FNDC8: variants seen among roughly 807,000 people sequenced by gnomAD.
FNDC8 encodes fibronectin type III domain containing 8.
A neutral mutation model predicts 24.8 loss-of-function variants in FNDC8; 23 were observed. The observed-to-expected ratio is 0.93, with a 90% confidence interval of 0.67 to 1.31. FNDC8 has a LOEUF of 1.31. Ranked by LOEUF, FNDC8 falls within the 40% of genes most tolerant of loss-of-function variation. The probability of loss-of-function intolerance (pLI) is 0.00; values close to 1 mark genes in which losing one functional copy is unlikely to be tolerated. For missense variants in FNDC8, 371 were observed against 398.2 expected, an observed-to-expected ratio of 0.93 and a Z score of 0.58; for synonymous variants, 158 against 165.3, an observed-to-expected ratio of 0.96 and a Z score of 0.34.
Position 35,127,239 on chromosome 17 carries a change from C to A in FNDC8, c.407C>A (p.Ala136Glu). ...AAGAATGCAGAAAATGAGGACCTGG[C>A]GCTCGGCCCCTGCCCATGCCCATCG... Reference protein sequence around the residue: ...MAKNAENEDLALGPCPCPSKS... With the variant: ...MAKNAENEDLELGPCPCPSKS... Residue 136 changes from alanine (A) to glutamate (E), a missense_variant, in exon 2 of 4, where the codon GCG becomes GAG. Ala to Glu is a moderately radical substitution (Grantham distance 107). Coordinates refer to ENST00000158009, the MANE Select transcript of FNDC8 (RefSeq NM_017559.4). 1 of 1,613,550 alleles carries A rather than the reference C, an allele frequency of 6.2e-7. No individual in the cohort carries two copies. The highest frequency in any genetic ancestry group is 8.5e-7 in the Non-Finnish European group (1 of 1,179,648).
At chr17:35,127,485 G>A (rs1010155581) in intron 2 of FNDC8, 68 bp downstream of exon 2, 2 of 1,466,308 alleles carry the variant, frequency 1.4e-6, no homozygotes, top group Non-Finnish European at 1.8e-6. Context: ...AGCTCCATGG[G>A]TAGTGAGAAG....
intron 1 of FNDC8, among the ~76,000 whole-genome samples, chr17:35,124,868 T>C (rs191424257): frequency 1.4e-3 from 218 of 151,212 alleles, no homozygotes; most frequent in African/African-American, 5.0e-3. Flanking sequence ...ACCAACATGG[T>C]AAAACCCCAT....
In FNDC8 at chr17:35,129,884, T is replaced by A. The variant is rs906960359; in HGVS notation, c.822+226T>A. The A allele has an allele frequency of 2.0e-4, 280 of 1,411,566 alleles. 1 individual carries two copies. Among genetic ancestry groups the A allele is most frequent in the Non-Finnish European group, 1.6e-4 (176 of 1,086,050 alleles). 87.4% of individuals were successfully genotyped at this position (1,411,566 alleles called of 1,614,324 possible). On this transcript the variant is annotated intron_variant, in intron 3 of 3. Coordinates refer to ENST00000158009, the MANE Select transcript of FNDC8 (RefSeq NM_017559.4). ...ATGCAAACGAATGTATTTTTCAACA[T>A]CACTATAATGTTCCCCTTCCAAAGC...
In FNDC8 at chr17:35,130,328, C is replaced by A; in HGVS notation, c.869C>A (p.Pro290His). 6.2e-7 allele frequency: 1 copy of A among 1,614,130 alleles called. No homozygotes were observed. The highest frequency in any genetic ancestry group is 1.7e-4 in the Middle Eastern group (1 of 6,060). ...TTCAGCAGCTTTCCTGAGAACTACCCCATCCAGATCACCGTGCGGCGCAAG... is the reference window on the plus strand; with the variant it reads ...TTCAGCAGCTTTCCTGAGAACTACCACATCCAGATCACCGTGCGGCGCAAG... ...TDFSSFPENY[P>H]IQITVRRKEP... Residue 290 changes from proline to histidine, a missense_variant, in exon 4 of 4, where the codon CCC becomes CAC. Pro to His is a moderately conservative substitution (Grantham distance 77, BLOSUM62 -2). Transcript: ENST00000158009.
At chr17:35,122,643 G>A (rs1245807438) in intron 1 of FNDC8, among the ~76,000 whole-genome samples, 1 of 151,964 alleles carries the variant, frequency 6.6e-6, no homozygotes, top group Non-Finnish European at 1.5e-5. Flanking sequence ...CTCTCTCTTT[G>A]GTACCTTCAT....
intron 1 of FNDC8, among the ~76,000 whole-genome samples, chr17:35,124,833 A>C (rs2091842866): frequency 6.6e-6 from 1 of 151,994 alleles, no homozygotes; most frequent in South Asian, 2.1e-4. Context: ...AAATCATCTG[A>C]GGTCAGGAGT....
At chr17:35,129,982 A>C (rs2091866599) in intron 3 of FNDC8, 1 of 1,375,712 alleles carries the variant, frequency 7.3e-7, no homozygotes, top group Non-Finnish European at 9.4e-7. Context: ...CATTGAAAGA[A>C]ATAGGGAAGA....
Position 35,130,376 on chromosome 17 carries a change from C to G in FNDC8, c.917C>G (p.Ser306Cys). Residue 306 changes from serine (S) to cysteine (C), a missense_variant, in exon 4 of 4, where the codon TCC (serine) becomes TGC (cysteine). Transcript: ENST00000158009. Reference sequence around the variant, plus strand: ...AAGGAACCCCGGCAAAAGATCGTGTCCATCGGGCCGGAGGAGATGCGGAGG... The same window carrying G: ...AAGGAACCCCGGCAAAAGATCGTGTGCATCGGGCCGGAGGAGATGCGGAGG... ...RRKEPRQKIV[S>C]IGPEEMRRLE... is the part of the protein sequence containing the mutation. 8 of 1,614,136 alleles carry G rather than the reference C, an allele frequency of 5.0e-6. No homozygotes were observed. Among genetic ancestry groups the G allele is most frequent in the Non-Finnish European group, 1.7e-6 (2 of 1,180,006 alleles).
At chr17:35,122,033 G>A in intron 1 of FNDC8, 131 bp downstream of exon 1, 1 of 683,464 alleles carries the variant, frequency 1.5e-6, no homozygotes, top group Non-Finnish European at 2.4e-6. Flanking sequence ...CACCCAGGCT[G>A]GAGTGCAGTG....
intron 3 of FNDC8, chr17:35,129,977 A>C: frequency 7.3e-7 from 1 of 1,374,628 alleles, no homozygotes; most frequent in Non-Finnish European, 9.4e-7. Flanking sequence ...AAGGGCATTG[A>C]AAGAAATAGG....
rs763571315 is a variant in FNDC8 at position 35,127,023 on chromosome 17, G to A, written c.210-19G>A. ...GTGGCCTCCTTCATCTGATTCACCTGTCTCCCCTTTTGCTCCAGGAAGCCG... is the reference window on the plus strand; with the variant it reads ...GTGGCCTCCTTCATCTGATTCACCTATCTCCCCTTTTGCTCCAGGAAGCCG... On this transcript the variant is annotated intron_variant, in intron 1 of 3. Coordinates refer to ENST00000158009, the MANE Select transcript of FNDC8 (RefSeq NM_017559.4). 1.3e-6 allele frequency: 2 copies of A among 1,560,450 alleles called. No homozygotes were observed. Among genetic ancestry groups the A allele is most frequent in the Admixed American group, 3.6e-5 (2 of 54,994 alleles).
At position 35,122,454 on chromosome 17, in the gene FNDC8, G is replaced by A. The variant is rs189530220; in HGVS notation, c.209+552G>A. ...CCAGAGAAGAGCGTGTGGGCAGGTT[G>A]GATCTATTTATGTATTCCTGAGCCC... On this transcript the variant is annotated intron_variant, in intron 1 of 3. Transcript: ENST00000158009. Among the ~76,000 whole-genome samples, 12 of 151,630 alleles carry A rather than the reference G, an allele frequency of 7.9e-5. 1 individual carries two copies. In the East Asian group the frequency reaches 2.0e-3, roughly 25 times the overall value.
intron 3 of FNDC8, 105 bp downstream of exon 3, chr17:35,129,763 G>A: frequency 6.7e-7 from 1 of 1,482,126 alleles, no homozygotes; most frequent in Non-Finnish European, 8.9e-7. Context: ...TGACTCATCT[G>A]GCTAGCTTTC....
intron 1 of FNDC8, among the ~76,000 whole-genome samples, chr17:35,123,842 A>G (rs998061218): frequency 6.6e-6 from 1 of 152,134 alleles, no homozygotes; most frequent in Non-Finnish European, 1.5e-5. Context: ...TGTTGTGAAC[A>G]TCAGGAGGAG....
chr17:35,121,918 G>C lies in FNDC8; in HGVS notation c.209+16G>C. 1 of 1,589,422 alleles carries C rather than the reference G, an allele frequency of 6.3e-7. No homozygotes were observed. The highest frequency in any genetic ancestry group is 8.6e-7 in the Non-Finnish European group (1 of 1,162,096). ...TCAACCTACTGTAAGTCACAAATCTGGTCCCTCCCTCCCTCCCTCCCTCCC... is the reference window on the plus strand; with the variant it reads ...TCAACCTACTGTAAGTCACAAATCTCGTCCCTCCCTCCCTCCCTCCCTCCC... On this transcript the variant is annotated intron_variant, in intron 1 of 3. Transcript: ENST00000158009.
At chr17:35,128,708 A>G (rs1458950934) in intron 2 of FNDC8, 1 of 153,456 alleles carries the variant, frequency 6.5e-6, no homozygotes. Flanking sequence ...TAATTTTTCC[A>G]TGGATCCGGT....
chr17:35,127,072 C>T lies in FNDC8; in HGVS notation c.240C>T (p.Cys80=), dbSNP rs752420900. The change falls in exon 2 of 4, where the codon TGC becomes TGT. Residue 80 remains cysteine, a synonymous_variant. Transcript: ENST00000158009. The stretch of plus-strand genomic sequence containing the variant: ...CGCTGCCAGTAGAGGATTCAGACTG[C>T]AGCTCTGATGAGACCAGCATCTCTG... ...LKPLPVEDSD[C]SSDETSISAF... The T allele has an allele frequency of 3.1e-6, 5 of 1,605,154 alleles. No individual in the cohort carries two copies. The highest frequency in any genetic ancestry group is 2.6e-6 in the Non-Finnish European group (3 of 1,174,266).
chr17:35,130,692 G>C lies in FNDC8; in HGVS notation c.*258G>C. On this transcript the variant is annotated 3_prime_UTR_variant, in exon 4 of 4. Transcript: ENST00000158009. ...CTCCCTCCTCCTCCAAATCTGGGCT[G>C]GGTCTAGGTCCCTCATTAAAGAACT... The C allele has an allele frequency of 2.0e-6, 1 of 491,502 alleles. No individual in the cohort carries two copies. The highest frequency in any genetic ancestry group is 3.7e-6 in the Non-Finnish European group (1 of 273,722). The allele number at this position is 491,502 out of a possible 1,614,324, so 30.4% of individuals were successfully genotyped here. A position where few individuals can be genotyped will look rare whatever the true frequency, so the allele number is the denominator to read the frequency against.
In FNDC8 at chr17:35,130,724, C is replaced by T. The variant is rs2091871986; in HGVS notation, c.*290C>T. 1 of 373,576 alleles carries T rather than the reference C, an allele frequency of 2.7e-6. No homozygotes were observed. The highest frequency in any genetic ancestry group is 4.3e-5 in the Admixed American group (1 of 23,460). 23.1% of individuals were successfully genotyped at this position (373,576 alleles called of 1,614,324 possible). A position where few individuals can be genotyped will look rare whatever the true frequency, so the allele number is the denominator to read the frequency against. On this transcript the variant is annotated 3_prime_UTR_variant, in exon 4 of 4. Coordinates refer to ENST00000158009, the MANE Select transcript of FNDC8 (RefSeq NM_017559.4). ...GGTCCCTCATTAAAGAACTGCAGGT[C>T]ATCCAGCACCCTAAAGTCTGCTTTA... is the stretch of plus-strand genomic sequence containing the variant.
Sources: gnomAD v4.1 joint callset for allele counts (sites outside exome capture counted in the v4.1 genomes callset) on GRCh38, gnomAD v4.1.1 for gene constraint, MANE v1.5 for transcripts, NCBI Gene and HGNC (gene_info 2026-07-23, HGNC 2026-07-21) for gene names.